SMAP1: variants seen among roughly 807,000 people sequenced by gnomAD.
SMAP1 encodes stromal membrane-associated protein 1.
In SMAP1, 24 loss-of-function variants were observed where a neutral mutation model predicts 58.5. That is an observed-to-expected ratio of 0.41 (90% confidence interval 0.30 to 0.58). The LOEUF is 0.58. Among genes scored for constraint, SMAP1 ranks in the 20% least tolerant of loss-of-function variants. The pLI is 0.29. For synonymous variants in SMAP1, 216 were observed against 196.6 expected, an observed-to-expected ratio of 1.10 and a Z score of -0.82; for missense variants, 563 against 566.3, an observed-to-expected ratio of 0.99 and a Z score of 0.06.
At chr6:70,695,036 A>G (rs1474603906) in intron 1 of SMAP1, among the ~76,000 whole-genome samples, 1 of 151,840 alleles carries the variant, frequency 6.6e-6, no homozygotes, top group Non-Finnish European at 1.5e-5. Context: ...TATTTATCTC[A>G]TTGTATTTGT....
At chr6:70,690,688 TTATATA>T (rs111848722) in intron 1 of SMAP1, among the ~76,000 whole-genome samples, 1 of 136,556 alleles carries the variant, frequency 7.3e-6, no homozygotes, top group African/African-American at 2.5e-5. Context: ...GATGTATCTT[TTATATA>T]TATATATATA....
chr6:70,835,751 C>T (rs186273347), intron 6 of SMAP1, among the ~76,000 whole-genome samples: 1 of 152,132 alleles, frequency 6.6e-6, no homozygotes, highest in East Asian at 1.9e-4. Context: ...AAGGGATCCT[C>T]CTACCTTGTC....
intron 6 of SMAP1, among the ~76,000 whole-genome samples, chr6:70,810,216 A>T (rs1055834107): frequency 2.0e-5 from 3 of 152,096 alleles, no homozygotes; most frequent in African/African-American, 7.2e-5. Context: ...GGGCTCAGGC[A>T]TGCGTAGAAC....
chr6:70,767,428 A>G (rs974956474), intron 3 of SMAP1, among the ~76,000 whole-genome samples: 1 of 152,142 alleles, frequency 6.6e-6, no homozygotes, highest in African/African-American at 2.4e-5. Context: ...TTCATTGAGC[A>G]GTGGTTTGTA....
intron 2 of SMAP1, among the ~76,000 whole-genome samples, chr6:70,740,369 G>A (rs1053008412): frequency 6.6e-6 from 1 of 151,730 alleles, no homozygotes; most frequent in Non-Finnish European, 1.5e-5. Flanking sequence ...AACCAGCCTG[G>A]CCAATATGGC....
At chr6:70,728,084 T>G (rs1765262868) in intron 1 of SMAP1, among the ~76,000 whole-genome samples, 1 of 152,040 alleles carries the variant, frequency 6.6e-6, no homozygotes, top group African/African-American at 2.4e-5. Context: ...AAAAGTGGCT[T>G]AAACAGGGTA....
At chr6:70,674,175 C>T (rs907681780) in intron 1 of SMAP1, among the ~76,000 whole-genome samples, 2 of 150,912 alleles carry the variant, frequency 1.3e-5, no homozygotes, top group Admixed American at 6.6e-5. Context: ...GGCTGGAGTG[C>T]GATGTAGGCT....
rs1203568543 is a variant in SMAP1, at chr6:70,685,333, T to A, written c.118+17192T>A. Among the ~76,000 whole-genome samples, 4 of 151,610 alleles carry A rather than the reference T, an allele frequency of 2.6e-5. No homozygotes were observed. In the East Asian group the frequency reaches 7.7e-4, roughly 29 times the overall value. On this transcript the variant is annotated intron_variant, in intron 1 of 10. Coordinates refer to ENST00000370455, the MANE Select transcript of SMAP1 (RefSeq NM_001044305.3). ...ATCTGCTGATTCACTAGAGTAGACA[T>A]TAGTGAGAGATACACAGCAGAAACC...
At chr6:70,772,163 G>C (rs903903208) in intron 3 of SMAP1, among the ~76,000 whole-genome samples, 1 of 152,162 alleles carries the variant, frequency 6.6e-6, no homozygotes, top group African/African-American at 2.4e-5. Flanking sequence ...AATTTGGAAA[G>C]TCTACACAGA....
At chr6:70,677,059 A>G (rs747586163) in intron 1 of SMAP1, among the ~76,000 whole-genome samples, 15 of 152,116 alleles carry the variant, frequency 9.9e-5, no homozygotes, top group Non-Finnish European at 1.9e-4. Flanking sequence ...CTGAAGTGCT[A>G]GGATTAGAGG....
chr6:70,791,844 C>G, intron 5 of SMAP1, 75 bp downstream of exon 5: 1 of 1,240,912 alleles, frequency 8.1e-7, no homozygotes, highest in East Asian at 2.4e-5. Context: ...GTGTGTCATT[C>G]GGGAACACTA....
chr6:70,850,051 G>A (rs1032264744), intron 7 of SMAP1, among the ~76,000 whole-genome samples: 2 of 152,306 alleles, frequency 1.3e-5, no homozygotes, highest in South Asian at 2.1e-4. Flanking sequence ...ATTAGAAAAT[G>A]TATTGCTAGA....
chr6:70,824,863 G>A (rs894346014), intron 6 of SMAP1, among the ~76,000 whole-genome samples: 1 of 152,146 alleles, frequency 6.6e-6, no homozygotes, highest in Non-Finnish European at 1.5e-5. Flanking sequence ...GGCTAACACA[G>A]GGAAGTGACA....
At chr6:70,771,671 A>G (rs1460790533) in intron 3 of SMAP1, among the ~76,000 whole-genome samples, 1 of 152,074 alleles carries the variant, frequency 6.6e-6, no homozygotes, top group Non-Finnish European at 1.5e-5. Flanking sequence ...TTCTTTGACT[A>G]GGAAAGGGAA....
At chr6:70,787,427 A>C (rs544329523) in intron 4 of SMAP1, among the ~76,000 whole-genome samples, 178 of 152,314 alleles carry the variant, frequency 1.2e-3, no homozygotes, top group Middle Eastern at 3.4e-3. Context: ...AGCAATGGCA[A>C]CAAAAGCCAA....
chr6:70,720,175 A>T (rs1582057750), intron 1 of SMAP1, among the ~76,000 whole-genome samples: 1 of 152,168 alleles, frequency 6.6e-6, no homozygotes, highest in Admixed American at 6.5e-5. Flanking sequence ...GCCATTCCAG[A>T]TGGGAGAAAT....
intron 1 of SMAP1, chr6:70,668,727 G>A (rs545873343): frequency 4.6e-6 from 7 of 1,535,964 alleles, no homozygotes; most frequent in Non-Finnish European, 6.1e-6. Context: ...GTGGGTTTGA[G>A]TTTTACGGAA....
intron 1 of SMAP1, among the ~76,000 whole-genome samples, chr6:70,713,384 A>G (rs1204250892): frequency 6.6e-6 from 1 of 151,894 alleles, no homozygotes; most frequent in Non-Finnish European, 1.5e-5. Flanking sequence ...TTTTTAATGC[A>G]GACATTTATC....
intron 1 of SMAP1, among the ~76,000 whole-genome samples, chr6:70,698,019 T>A (rs1300608913): frequency 6.6e-6 from 1 of 152,196 alleles, no homozygotes. Context: ...TTAAGATGAT[T>A]TCTTATTGCT....
Sources: gnomAD v4.1 joint callset for allele counts (sites outside exome capture counted in the v4.1 genomes callset) on GRCh38, gnomAD v4.1.1 for gene constraint, MANE v1.5 for transcripts, NCBI Gene and HGNC (gene_info 2026-07-23, HGNC 2026-07-21) for gene names.